Variants in MID1 observed in about 807,000 individuals in gnomAD.
MID1 encodes E3 ubiquitin-protein ligase Midline-1.
MID1 carries 7 observed loss-of-function variants against 40.4 expected under a neutral mutation model. The ratio of observed to expected loss-of-function variants is 0.17; its 90% CI spans 0.10 to 0.33. The LOEUF is 0.33. Among genes scored for constraint, MID1 ranks in the 10% least tolerant of loss-of-function variants. The pLI is 1.00. For synonymous variants in MID1, 229 were observed against 221.2 expected (o/e 1.04, Z -0.31); for missense variants, 367 against 558.5 (o/e 0.66, Z 3.46).
intron 1 of MID1, among the ~76,000 whole-genome samples, chrX:10,777,880 G>T (rs995140477): frequency 9.0e-6 from 1 of 111,301 alleles, no homozygotes; most frequent in African/African-American, 3.3e-5. Flanking sequence ...CCTACACAGG[G>T]TTAGGAACGT....
In MID1 at chrX:10,458,610, A is replaced by G. The variant is rs140468706; in HGVS notation, c.1447+1036T>C. Among the ~76,000 whole-genome samples, 643 of 112,056 alleles carry G rather than the reference A, an allele frequency of 5.7e-3. 5 individuals carry two copies. The highest frequency in any genetic ancestry group is 0.02 in the African/African-American group (622 of 30,828). On this transcript the variant is annotated intron_variant, in intron 8 of 9. Coordinates refer to ENST00000317552, the MANE Select transcript of MID1 (RefSeq NM_000381.4). ...TGTAAATCTACAGCTATTCCAAAAT[A>G]AAAAATCTATTTAAAAATATGAAGA...
At chrX:10,453,547 G>C (rs1297021888) in intron 9 of MID1, among the ~76,000 whole-genome samples, 1 of 111,772 alleles carries the variant, frequency 8.9e-6, no homozygotes, top group Non-Finnish European at 1.9e-5. Context: ...GCATACCATG[G>C]TGGTTAAGAG....
intron 3 of MID1, among the ~76,000 whole-genome samples, chrX:10,500,246 A>G (rs2147328943): frequency 8.9e-6 from 1 of 112,204 alleles, no homozygotes; most frequent in Non-Finnish European, 1.9e-5. Flanking sequence ...TGCTTTACCA[A>G]AAAAGTGGGC....
At chrX:10,612,376 C>T (rs1403807842) in intron 1 of MID1, among the ~76,000 whole-genome samples, 4 of 111,971 alleles carry the variant, frequency 3.6e-5, no homozygotes, top group Non-Finnish European at 7.5e-5. Context: ...CTACCGCTTT[C>T]CCCATCATAT....
At chrX:10,817,562 T>TTCTTTCTTTCTC (rs1193306130) in intron 1 of MID1, among the ~76,000 whole-genome samples, 1 of 98,553 alleles carries the variant, frequency 1.0e-5, no homozygotes, top group Non-Finnish European at 2.0e-5. Context: ...CTTTCTTTCT[T>TTCTTTCTTTCTC]TCTTTCTTTC....
At chrX:10,809,919 A>T (rs2044084387) in intron 1 of MID1, among the ~76,000 whole-genome samples, 1 of 110,970 alleles carries the variant, frequency 9.0e-6, no homozygotes, top group Non-Finnish European at 1.9e-5. Context: ...GTATAATAAT[A>T]AAAAAATAAT....
intron 1 of MID1, among the ~76,000 whole-genome samples, chrX:10,631,080 T>C (rs1936047565): frequency 1.8e-5 from 2 of 111,311 alleles, no homozygotes; most frequent in Admixed American, 1.9e-4. Context: ...AAGTTTATAC[T>C]ATACATGGAA....
intron 1 of MID1, among the ~76,000 whole-genome samples, chrX:10,691,847 C>G (rs1427679350): frequency 1.8e-5 from 2 of 111,661 alleles, no homozygotes; most frequent in Non-Finnish European, 3.8e-5. Context: ...CTTTTCCCAG[C>G]AAGGAATGTT....
chrX:10,594,787 T>G (rs780808960), intron 1 of MID1, among the ~76,000 whole-genome samples: 1 of 111,989 alleles, frequency 8.9e-6, no homozygotes, highest in Admixed American at 9.5e-5. Flanking sequence ...GTAGCGCACT[T>G]GTATTAATTC....
chrX:10,455,878 TAA>T (rs779214442), intron 8 of MID1, among the ~76,000 whole-genome samples: 30 of 112,171 alleles, frequency 2.7e-4, no homozygotes, highest in African/African-American at 8.7e-4. Flanking sequence ...ATTTAAGTAT[TAA>T]AAAAATCTTG....
intron 1 of MID1, among the ~76,000 whole-genome samples, chrX:10,658,787 T>C (rs2042893048): frequency 9.0e-6 from 1 of 111,352 alleles, no homozygotes; most frequent in South Asian, 3.8e-4. Context: ...TCAGAAGGTG[T>C]TTCTCTTGAG....
At chrX:10,491,837 GATT>G (rs1018441263) in intron 4 of MID1, among the ~76,000 whole-genome samples, 1 of 111,636 alleles carries the variant, frequency 9.0e-6, no homozygotes, top group African/African-American at 3.3e-5. Flanking sequence ...CCAAGTGCAT[GATT>G]ATTATTTTAA....
rs1441544783 is a variant in MID1, at chrX:10,567,425, G to A, written c.123C>T (p.His41=). The change falls in exon 2 of 10, where the codon CAC becomes CAT. Residue 41 remains histidine (H), a synonymous_variant. Transcript: ENST00000317552. ...ACTCCACAGACTCGTTGGTGGCACAGTGTGATACTAGGATGCGGTGGGCGC... is the reference window on the plus strand; with the variant it reads ...ACTCCACAGACTCGTTGGTGGCACAATGTGATACTAGGATGCGGTGGGCGC... The part of the protein sequence containing the change: ...FNCAHRILVS[H]CATNESVESI... The A allele has an allele frequency of 8.3e-7, 1 of 1,211,229 alleles. No individual in the cohort carries two copies. Among genetic ancestry groups the A allele is most frequent in the Admixed American group, 2.2e-5 (1 of 46,067 alleles).
At chrX:10,747,726 G>C (rs1423921235) in intron 1 of MID1, among the ~76,000 whole-genome samples, 3 of 111,925 alleles carry the variant, frequency 2.7e-5, no homozygotes, top group Non-Finnish European at 5.6e-5. Context: ...ATTTCTGAAT[G>C]GAAGTCTTCC....
At chrX:10,451,873 G>A (rs1928364072) in intron 9 of MID1, among the ~76,000 whole-genome samples, 2 of 110,549 alleles carry the variant, frequency 1.8e-5, no homozygotes, top group African/African-American at 6.7e-5. Context: ...CAAATTGCCT[G>A]GTCTTGGTTA....
At chrX:10,735,877 C>G (rs2043484227) in intron 1 of MID1, among the ~76,000 whole-genome samples, 1 of 110,873 alleles carries the variant, frequency 9.0e-6, no homozygotes, top group African/African-American at 3.3e-5. Context: ...ATATTTTCCC[C>G]TGCCTCGGTC....
intron 1 of MID1, among the ~76,000 whole-genome samples, chrX:10,574,522 A>G (rs1934821471): frequency 1.8e-5 from 2 of 111,995 alleles, no homozygotes; most frequent in African/African-American, 6.5e-5. Flanking sequence ...GAATAAGGAG[A>G]TCGCCCATCA....
At chrX:10,608,101 A>G (rs1312423509) in intron 1 of MID1, among the ~76,000 whole-genome samples, 2 of 112,420 alleles carry the variant, frequency 1.8e-5, no homozygotes, top group Non-Finnish European at 3.8e-5. Flanking sequence ...CAGGGACAAC[A>G]CCAAATGCTG....
chrX:10,469,550 C>G lies in MID1; in HGVS notation c.1285+147G>C, dbSNP rs114091079. Reference sequence around the variant, plus strand: ...TTTACTAATGTAGTACAAGTGAGTGCTATCACTTTTTTGTTCAAGAAAGAC... The same window carrying G: ...TTTACTAATGTAGTACAAGTGAGTGGTATCACTTTTTTGTTCAAGAAAGAC... On this transcript the variant is annotated intron_variant, in intron 7 of 9. Transcript: ENST00000317552. The G allele has an allele frequency of 7.9e-3, 9,503 of 1,200,545 alleles. 326 individuals are homozygous for G. In the African/African-American group the frequency reaches 0.12, roughly 15 times the overall value.
Sources: allele counts gnomAD v4.1 joint callset (sites outside exome capture counted in the v4.1 genomes callset), GRCh38; gene constraint gnomAD v4.1.1; transcripts MANE v1.5; gene names NCBI Gene and HGNC (gene_info 2026-07-23, HGNC 2026-07-21).